Variants in OCA2 observed in about 807,000 individuals in gnomAD.
OCA2 encodes OCA2 melanosomal transmembrane protein.
In OCA2, 77 loss-of-function variants were observed where a neutral mutation model predicts 100.2. The ratio of observed to expected loss-of-function variants is 0.77; its 90% confidence interval spans 0.64 to 0.93. OCA2 has a LOEUF of 0.93. OCA2 is among the 40% of genes least tolerant of loss of function. The pLI is 0.00. For synonymous variants in OCA2, 432 were observed against 439.2 expected (o/e 0.98, Z 0.21); for missense variants, 1,062 against 1,089.1 (o/e 0.98, Z 0.35).
chr15:27,827,182 C>G (rs896702856), intron 23 of OCA2, among the ~76,000 whole-genome samples: 1 of 152,198 alleles, frequency 6.6e-6, no homozygotes, highest in African/African-American at 2.4e-5. Flanking sequence ...AGACAGGAAG[C>G]CGGCACATCT....
the OCA2 span, among the ~76,000 whole-genome samples, chr15:27,737,668 T>C: frequency 6.6e-6 from 1 of 152,218 alleles, no homozygotes; most frequent in Non-Finnish European, 1.5e-5. Flanking sequence ...GAAATTACCA[T>C]GTTTTGGGAG....
rs1444163475 is a variant in OCA2, at chr15:28,027,985, C to CA, written c.400dup (p.Trp134LeufsTer87). 2 of 1,614,214 alleles carry CA rather than the reference C, an allele frequency of 1.2e-6. No individual in the cohort carries two copies. Among genetic ancestry groups the CA allele is most frequent in the Non-Finnish European group, 1.7e-6 (2 of 1,180,048 alleles). ...CCTGCTTAGCAGGTATCTTCGCTCC[C>CA]AGTCAGCAGAGCTGTCTTCCCAAGA... On this transcript the variant is annotated frameshift_variant, in exon 4 of 24. Transcript: ENST00000354638. LOFTEE classifies it high-confidence loss of function.
Position 28,042,472 on chromosome 15 carries a change from CAAAAA to C in OCA2, c.228-10314_228-10310del, listed in dbSNP as rs972724008. ...GGAAACCCTATCTCTACTAAAAATACAAAAAAAAAAAAAAAAAATTAGCTGGGCGT... is the reference window on the plus strand; with the variant it reads ...GGAAACCCTATCTCTACTAAAAATACAAAAAAAAAAAAATTAGCTGGGCGT... On this transcript the variant is annotated intron_variant, in intron 2 of 23. Transcript: ENST00000354638. Among the ~76,000 whole-genome samples the C allele has an allele frequency of 6.2e-5, 6 of 97,250 alleles. No individual in the cohort carries two copies. The East Asian group carries it at 1.2e-3, about 19-fold the overall frequency. 63.8% of individuals were successfully genotyped at this position (97,250 alleles called of 152,430 possible).
downstream of OCA2, among the ~76,000 whole-genome samples, chr15:27,751,124 G>C (rs1294861057): frequency 2.0e-5 from 3 of 152,128 alleles, no homozygotes; most frequent in Non-Finnish European, 4.4e-5. Context: ...CGGTCCTAAT[G>C]GTTTTAAATT....
intron 23 of OCA2, among the ~76,000 whole-genome samples, chr15:27,799,743 T>C (rs1029912814): frequency 1.2e-5 from 1 of 84,676 alleles, no homozygotes; most frequent in Non-Finnish European, 2.6e-5. Flanking sequence ...AGACTCCGTC[T>C]AAAAAAAAAA....
At chr15:27,733,761 A>G in the OCA2 span, among the ~76,000 whole-genome samples, 1 of 152,220 alleles carries the variant, frequency 6.6e-6, no homozygotes, top group African/African-American at 2.4e-5. Context: ...CATAAAATTG[A>G]ATGTCTCCAT....
chr15:27,816,714 T>C (rs138090607), intron 23 of OCA2, among the ~76,000 whole-genome samples: 1 of 152,298 alleles, frequency 6.6e-6, no homozygotes, highest in Non-Finnish European at 1.5e-5. Flanking sequence ...TACTGAATTT[T>C]CCCTTGCCCA....
intron 19 of OCA2, among the ~76,000 whole-genome samples, chr15:27,898,725 T>C (rs1306102165): frequency 6.6e-6 from 1 of 152,230 alleles, no homozygotes; most frequent in African/African-American, 2.4e-5. Context: ...CTTTACATTG[T>C]TGTGACTTCC....
chr15:27,837,275 C>T (rs1567008414), intron 23 of OCA2, among the ~76,000 whole-genome samples: 1 of 152,228 alleles, frequency 6.6e-6, no homozygotes, highest in Non-Finnish European at 1.5e-5. Context: ...GAGTTCTGGA[C>T]TGTGGATTAG....
chr15:27,897,591 C>A (rs915084823), intron 19 of OCA2, among the ~76,000 whole-genome samples: 8 of 152,212 alleles, frequency 5.3e-5, no homozygotes, highest in African/African-American at 1.9e-4. Context: ...TATGGGAACA[C>A]CTGGATGTCC....
rs968988185 is a variant in OCA2, at chr15:27,919,363, A to G, written c.2079+6764T>C. ...TTTAAAATTGCCAAAACTTGGAAGC[A>G]GGCAAGATGTCCTTAAGTCATGGTG... On this transcript the variant is annotated intron_variant, in intron 19 of 23. Coordinates refer to ENST00000354638, the MANE Select transcript of OCA2 (RefSeq NM_000275.3). 2.0e-5 allele frequency among the ~76,000 whole-genome samples: 3 copies of G among 152,222 alleles called. No homozygotes were observed. In the East Asian group the frequency reaches 5.8e-4, roughly 29 times the overall value.
At chr15:28,090,672 T>A (rs2044855624) in intron 1 of OCA2, among the ~76,000 whole-genome samples, 1 of 152,046 alleles carries the variant, frequency 6.6e-6, no homozygotes, top group African/African-American at 2.4e-5. Context: ...ATATCAAAAT[T>A]GACAGAACAC....
intron 19 of OCA2, among the ~76,000 whole-genome samples, chr15:27,905,523 G>C (rs1469400900): frequency 6.6e-6 from 1 of 152,244 alleles, no homozygotes; most frequent in East Asian, 1.9e-4. Context: ...GGCCCTGGGA[G>C]GTGCTGTGAG....
At chr15:27,865,320 G>A (rs2036279642) in intron 21 of OCA2, among the ~76,000 whole-genome samples, 1 of 152,126 alleles carries the variant, frequency 6.6e-6, no homozygotes, top group South Asian at 2.1e-4. Context: ...CCCGCTCTCT[G>A]ACCCTTTTTA....
chr15:27,873,579 T>C (rs908823218), intron 19 of OCA2, among the ~76,000 whole-genome samples: 1 of 152,238 alleles, frequency 6.6e-6, no homozygotes, highest in African/African-American at 2.4e-5. Flanking sequence ...TGTGTGTATA[T>C]GCCCCCCACA....
chr15:27,771,952 T>C (rs1364202140), intron 23 of OCA2, among the ~76,000 whole-genome samples: 5 of 152,230 alleles, frequency 3.3e-5, no homozygotes, highest in African/African-American at 1.2e-4. Flanking sequence ...CCTGTGTTAC[T>C]TTGTGCGCCT....
chr15:27,937,344 A>T (rs2039493314), intron 18 of OCA2, among the ~76,000 whole-genome samples: 1 of 152,220 alleles, frequency 6.6e-6, no homozygotes, highest in African/African-American at 2.4e-5. Context: ...TGGGGCTATT[A>T]TAAATAGGCT....
intron 23 of OCA2, among the ~76,000 whole-genome samples, chr15:27,783,698 AAAG>A (rs1489796400): frequency 2.0e-5 from 3 of 152,226 alleles, no homozygotes; most frequent in East Asian, 1.9e-4. Flanking sequence ...GCTTCAAGTA[AAAG>A]AAGAATTTAC....
intron 6 of OCA2, among the ~76,000 whole-genome samples, chr15:28,019,341 G>A (rs942814556): frequency 1.7e-5 from 2 of 117,270 alleles, no homozygotes; most frequent in Non-Finnish European, 4.4e-5. Flanking sequence ...AAGGAGAGCG[G>A]GAGACAAGGA....
Sources: allele counts gnomAD v4.1 joint callset (sites outside exome capture counted in the v4.1 genomes callset), GRCh38; gene constraint gnomAD v4.1.1; transcripts MANE v1.5; gene names NCBI Gene and HGNC (gene_info 2026-07-23, HGNC 2026-07-21).